CFDP1: variants seen among roughly 807,000 people sequenced by gnomAD.
CFDP1 encodes the protein chromatin remodeling protein CFDP1, also known as heterochromatin-stabilizing protein CFDP1.
Under a neutral mutation model 40.1 loss-of-function variants are expected in CFDP1, and 31 were observed. The ratio of observed to expected loss-of-function variants is 0.77; its 90% CI spans 0.58 to 1.04. CFDP1 has a LOEUF of 1.04. Among genes scored for constraint, CFDP1 ranks in the 50% least tolerant of loss-of-function variants. CFDP1 has a pLI of 0.00. For missense variants in CFDP1, 423 were observed against 343.4 expected (o/e 1.23, Z -1.83); for synonymous variants, 167 against 120.0 (o/e 1.39, Z -2.56).
intron 1 of CFDP1, among the ~76,000 whole-genome samples, chr16:75,419,552 A>T (rs559800161): frequency 8.3e-4 from 127 of 152,326 alleles, no homozygotes; most frequent in South Asian, 1.7e-3. Context: ...GAACCAGAGC[A>T]ACTCCATCCT....
At chr16:75,304,793 C>G (rs768254981) in intron 6 of CFDP1, among the ~76,000 whole-genome samples, 2 of 152,184 alleles carry the variant, frequency 1.3e-5, no homozygotes, top group Non-Finnish European at 2.9e-5. Flanking sequence ...GTGACTGGCC[C>G]CTGAGAGTAC....
intron 5 of CFDP1, among the ~76,000 whole-genome samples, chr16:75,309,681 G>A (rs1042278178): frequency 3.3e-5 from 5 of 151,970 alleles, no homozygotes; most frequent in Non-Finnish European, 5.9e-5. Context: ...TTAGCCGGGC[G>A]TGGTGGCAGG....
intron 5 of CFDP1, among the ~76,000 whole-genome samples, chr16:75,308,529 T>C (rs141956816): frequency 1.3e-5 from 2 of 152,358 alleles, no homozygotes; most frequent in African/African-American, 4.8e-5. Context: ...TACCCATTGA[T>C]AGAGTTCTGT....
chr16:75,323,027 A>T (rs573925840), intron 5 of CFDP1, among the ~76,000 whole-genome samples: 55 of 151,890 alleles, frequency 3.6e-4, no homozygotes, highest in Admixed American at 2.2e-3. Flanking sequence ...TATTTAGAAA[A>T]TTTTTTTTTC....
chr16:75,428,756 G>A (rs1597412005), intron 1 of CFDP1, among the ~76,000 whole-genome samples: 1 of 152,108 alleles, frequency 6.6e-6, no homozygotes, highest in Non-Finnish European at 1.5e-5. Context: ...GGAAAAAAAA[G>A]TTCTCAGAAG....
At chr16:75,432,655 G>C (rs1432213423) in intron 1 of CFDP1, among the ~76,000 whole-genome samples, 1 of 152,202 alleles carries the variant, frequency 6.6e-6, no homozygotes, top group Non-Finnish European at 1.5e-5. Context: ...TTCAACTGAA[G>C]ATGTGAATGG....
chr16:75,402,346 T>C (rs902177985), intron 4 of CFDP1, among the ~76,000 whole-genome samples: 3 of 152,226 alleles, frequency 2.0e-5, no homozygotes, highest in African/African-American at 7.2e-5. Flanking sequence ...GGGCAGAAAC[T>C]TTCCATGACT....
chr16:75,298,105 C>G (rs946678843), intron 6 of CFDP1, among the ~76,000 whole-genome samples: 3 of 152,172 alleles, frequency 2.0e-5, no homozygotes, highest in African/African-American at 7.2e-5. Flanking sequence ...ATAAAATTAC[C>G]TCCAGGCTTT....
intron 5 of CFDP1, among the ~76,000 whole-genome samples, chr16:75,340,831 G>T (rs1294708895): frequency 1.3e-5 from 2 of 152,074 alleles, no homozygotes; most frequent in African/African-American, 4.8e-5. Flanking sequence ...TGAGGTCAAT[G>T]CGAGGACCAG....
chr16:75,333,927 G>C (rs1341678558), intron 5 of CFDP1, among the ~76,000 whole-genome samples: 1 of 152,224 alleles, frequency 6.6e-6, no homozygotes, highest in African/African-American at 2.4e-5. Flanking sequence ...ATGGTGGTTA[G>C]AGCAAGGCGT....
At chr16:75,363,061 T>G (rs922597494) in intron 5 of CFDP1, 1 of 152,178 alleles carries the variant, frequency 6.6e-6, no homozygotes. Flanking sequence ...CCAGGAAACA[T>G]ATGTAAGCAT....
Position 75,419,770 on chromosome 16 carries a change from G to C in CFDP1, c.65-5075C>G, listed in dbSNP as rs550607368. On this transcript the variant is annotated intron_variant, in intron 1 of 6. Coordinates refer to ENST00000283882, the MANE Select transcript of CFDP1 (RefSeq NM_006324.3). ...GCTTACAAATGCCATGGCAACATCA[G>C]GAAGTTACTCTAAATGGTCTGAAAA... Among the ~76,000 whole-genome samples the C allele has an allele frequency of 3.0e-4, 46 of 152,226 alleles. No homozygotes were observed. In the Middle Eastern group the frequency reaches 0.01, roughly 34 times the overall value.
intron 6 of CFDP1, among the ~76,000 whole-genome samples, chr16:75,295,565 G>C (rs1417095912): frequency 5.9e-5 from 9 of 152,174 alleles, no homozygotes; most frequent in Admixed American, 5.9e-4. Context: ...ACAGTAGATG[G>C]CCCAAGTCTG....
rs79886467 is a variant in CFDP1, at chr16:75,297,896, G to C, written c.810-3854C>G. Among the ~76,000 whole-genome samples, 543 of 152,280 alleles carry C rather than the reference G, an allele frequency of 3.6e-3. 5 individuals are homozygous for C. Among genetic ancestry groups the C allele is most frequent in the African/African-American group, 0.012 (488 of 41,560 alleles). On this transcript the variant is annotated intron_variant, in intron 6 of 6. Coordinates refer to ENST00000283882, the MANE Select transcript of CFDP1 (RefSeq NM_006324.3). ...GGAAGCAGAGGACAAGAGAAGGGTA[G>C]AAAATGCTACTAGGGAACATGTCAG...
At chr16:75,321,111 A>G (rs761133640) in intron 5 of CFDP1, among the ~76,000 whole-genome samples, 1 of 151,970 alleles carries the variant, frequency 6.6e-6, no homozygotes, top group Non-Finnish European at 1.5e-5. Flanking sequence ...AACAGCTAAT[A>G]CTTTAATATT....
At chr16:75,360,958 T>C (rs2078676170) in intron 5 of CFDP1, among the ~76,000 whole-genome samples, 1 of 152,180 alleles carries the variant, frequency 6.6e-6, no homozygotes, top group Non-Finnish European at 1.5e-5. Flanking sequence ...CATCATCCAA[T>C]GTTAAGATAC....
chr16:75,376,740 C>T (rs1436819124), intron 5 of CFDP1, among the ~76,000 whole-genome samples: 2 of 152,162 alleles, frequency 1.3e-5, no homozygotes, highest in Non-Finnish European at 2.9e-5. Context: ...CTAGCTAAAA[C>T]AGGTATGGGG....
At chr16:75,391,554 A>C (rs949363474) in intron 5 of CFDP1, 6 of 152,394 alleles carry the variant, frequency 3.9e-5, no homozygotes, top group African/African-American at 1.4e-4. Context: ...TATTATACAT[A>C]GTAAGGGTAA....
chr16:75,376,654 C>A (rs971981475), intron 5 of CFDP1, among the ~76,000 whole-genome samples: 3 of 152,172 alleles, frequency 2.0e-5, no homozygotes, highest in Admixed American at 2.0e-4. Flanking sequence ...TATACCTTAT[C>A]TTGGATAGTG....
Sources: gnomAD v4.1 joint callset for allele counts (sites outside exome capture counted in the v4.1 genomes callset) on GRCh38, gnomAD v4.1.1 for gene constraint, MANE v1.5 for transcripts, NCBI Gene and HGNC (gene_info 2026-07-23, HGNC 2026-07-21) for gene names.